The following STIMATE variants were observed in gnomAD, a reference collection of about 807,000 sequenced individuals.
STIMATE encodes the protein store-operated calcium entry regulator STIMATE.
STIMATE carries 15 observed loss-of-function variants against 36.7 expected under a neutral mutation model. That is an observed-to-expected ratio of 0.41 (90% CI 0.27 to 0.63). STIMATE has a LOEUF of 0.63. STIMATE is among the 20% of genes least tolerant of loss of function. STIMATE has a pLI of 0.32. For synonymous variants in STIMATE, 163 were observed against 162.3 expected, an observed-to-expected ratio of 1.00 and a Z score of -0.03; for missense variants, 305 against 397.3, an observed-to-expected ratio of 0.77 and a Z score of 1.98.
At chr3:52,883,298 A>T (rs1273433670) in intron 1 of STIMATE, among the ~76,000 whole-genome samples, 2 of 152,248 alleles carry the variant, frequency 1.3e-5, no homozygotes, top group Non-Finnish European at 2.9e-5. Flanking sequence ...AGCTTGACAA[A>T]AAATCCAAAT....
At chr3:52,879,462 G>A (rs752585383) in intron 1 of STIMATE, among the ~76,000 whole-genome samples, 6 of 152,316 alleles carry the variant, frequency 3.9e-5, no homozygotes, top group East Asian at 1.9e-4. Flanking sequence ...AGCTACTGAC[G>A]CCTCTCCTCC....
rs1323586064 is a variant in STIMATE at position 52,837,708 on chromosome 3, C to T, written c.*2786G>A. ...CCACCACAGGTGGCTTGGCTGAGGT[C>T]CAGATTTGGACAAATCAGATTCATA... On this transcript the variant is annotated 3_prime_UTR_variant, in exon 8 of 8. Coordinates refer to ENST00000355083, the MANE Select transcript of STIMATE (RefSeq NM_198563.5). The T allele has an allele frequency of 6.6e-6, 1 of 152,246 alleles. No individual in the cohort carries two copies. The highest frequency in any genetic ancestry group is 1.5e-5 in the Non-Finnish European group (1 of 68,050). The allele number at this position is 152,246 out of a possible 1,614,324, so 9.4% of individuals were successfully genotyped here.
intron 1 of STIMATE, among the ~76,000 whole-genome samples, chr3:52,882,752 C>T (rs768286461): frequency 1.3e-4 from 20 of 152,108 alleles, no homozygotes; most frequent in African/African-American, 2.4e-4. Flanking sequence ...GGTATCCTAT[C>T]GGTGCAATGA....
chr3:52,856,945 G>C (rs1005616143), intron 1 of STIMATE, among the ~76,000 whole-genome samples: 1 of 152,236 alleles, frequency 6.6e-6, no homozygotes, highest in Non-Finnish European at 1.5e-5. Context: ...AGTGCTGCCT[G>C]TGTGATACTT....
chr3:52,886,558 G>C (rs1207322718), intron 1 of STIMATE, among the ~76,000 whole-genome samples: 1 of 152,250 alleles, frequency 6.6e-6, no homozygotes, highest in Non-Finnish European at 1.5e-5. Flanking sequence ...ATGTGACTCA[G>C]TTTCGTCACC....
intron 1 of STIMATE, among the ~76,000 whole-genome samples, chr3:52,878,327 C>T (rs936537948): frequency 6.6e-6 from 1 of 151,982 alleles, no homozygotes; most frequent in Non-Finnish European, 1.5e-5. Context: ...GGCTATACCA[C>T]CTCATGCCCT....
At chr3:52,879,611 G>GTC (rs1449968564) in intron 1 of STIMATE, among the ~76,000 whole-genome samples, 1 of 152,192 alleles carries the variant, frequency 6.6e-6, no homozygotes, top group African/African-American at 2.4e-5. Flanking sequence ...GAAAGGGAGA[G>GTC]TCTCAGTCAG....
intron 1 of STIMATE, among the ~76,000 whole-genome samples, chr3:52,866,617 A>G (rs1296065017): frequency 1.3e-5 from 2 of 152,136 alleles, no homozygotes; most frequent in African/African-American, 2.4e-5. Flanking sequence ...CCGACTGCTC[A>G]CTTAACGCTA....
At chr3:52,865,759 G>C (rs944311672) in intron 1 of STIMATE, among the ~76,000 whole-genome samples, 1 of 152,196 alleles carries the variant, frequency 6.6e-6, no homozygotes, top group Non-Finnish European at 1.5e-5. Flanking sequence ...TATATTCAGT[G>C]AAAAGTCTCC....
At chr3:52,855,337 C>T in intron 2 of STIMATE, 59 bp downstream of exon 2, 1 of 1,585,190 alleles carries the variant, frequency 6.3e-7, no homozygotes, top group Non-Finnish European at 8.6e-7. Context: ...CACCCCCAGC[C>T]CCAAGACCCC....
chr3:52,847,462 C>T (rs549954599), intron 4 of STIMATE: 201 of 1,289,202 alleles, frequency 1.6e-4, no homozygotes, highest in South Asian at 2.3e-4. Context: ...AGACACCATG[C>T]GTCACCTGGA....
At position 52,897,346 on chromosome 3, in the gene STIMATE, G is replaced by C. The variant is rs1357902485; in HGVS notation, c.105C>G (p.Ser35Arg). 1 of 1,544,348 alleles carries C rather than the reference G, an allele frequency of 6.5e-7. No individual in the cohort carries two copies. Among genetic ancestry groups the C allele is most frequent in the East Asian group, 2.4e-5 (1 of 41,118 alleles). Residue 35 changes from serine to arginine, a missense_variant, in exon 1 of 8, where the codon AGC becomes AGG. Transcript: ENST00000355083. Reference protein sequence around the residue: ...GRCESGALMHSFGIFLQGLLG... With the variant: ...GRCESGALMHRFGIFLQGLLG... ...GCAGCCCCTGCAGGAAGATGCCGAA[G>C]CTGTGCATGAGCGCGCCGCTCTCGC...
At chr3:52,842,665 A>G (rs1578797145) in intron 7 of STIMATE, 146 bp downstream of exon 7, 2 of 1,488,498 alleles carry the variant, frequency 1.3e-6, no homozygotes, top group South Asian at 1.3e-5. Flanking sequence ...CCCCTCGCTC[A>G]TCTCTGGCTC....
intron 4 of STIMATE, 138 bp from the exon 5 acceptor site, chr3:52,845,079 T>C: frequency 1.4e-6 from 1 of 690,382 alleles, no homozygotes. Flanking sequence ...CCCCCAAAAG[T>C]CCAAAGGATT....
chr3:52,896,434 G>A (rs1292996575), intron 1 of STIMATE, among the ~76,000 whole-genome samples: 2 of 151,386 alleles, frequency 1.3e-5, no homozygotes, highest in African/African-American at 2.4e-5. Flanking sequence ...TTTAATAAGG[G>A]AAGGATGCAC....
In STIMATE at chr3:52,844,956, G is replaced by A. The variant is rs745411452; in HGVS notation, c.428-15C>T. 85 of 1,611,872 alleles carry A rather than the reference G, an allele frequency of 5.3e-5. 1 individual carries two copies. Among genetic ancestry groups the A allele is most frequent in the Middle Eastern group, 4.9e-4 (3 of 6,070 alleles). On this transcript the variant is annotated splice_polypyrimidine_tract_variant and intron_variant, in intron 4 of 7. Transcript: ENST00000355083. The stretch of plus-strand genomic sequence containing the variant: ...CAGAGGGTCTCCTGCAGGGACAGGC[G>A]GGTGCTTAGTCACATGGGGCCCAGG...
chr3:52,884,192 A>T (rs1701655441), intron 1 of STIMATE, among the ~76,000 whole-genome samples: 1 of 152,038 alleles, frequency 6.6e-6, no homozygotes, highest in Admixed American at 6.6e-5. Context: ...GGAAATGTGT[A>T]TGCTGATGTA....
At chr3:52,841,339 TG>T (rs1244863997) in intron 7 of STIMATE, among the ~76,000 whole-genome samples, 6 of 152,262 alleles carry the variant, frequency 3.9e-5, no homozygotes, top group Non-Finnish European at 8.8e-5. Flanking sequence ...AGAAAGCATC[TG>T]TGGGCAGGGG....
chr3:52,883,193 T>C (rs1296316230), intron 1 of STIMATE, among the ~76,000 whole-genome samples: 2 of 152,228 alleles, frequency 1.3e-5, no homozygotes, highest in African/African-American at 4.8e-5. Context: ...CTTTCATTTA[T>C]AAAAGGTATT....
Sources: allele counts gnomAD v4.1 joint callset (sites outside exome capture counted in the v4.1 genomes callset), GRCh38; gene constraint gnomAD v4.1.1; transcripts MANE v1.5; gene names NCBI Gene and HGNC (gene_info 2026-07-23, HGNC 2026-07-21).